MDN1: variants seen among roughly 807,000 people sequenced by gnomAD.
MDN1 encodes midasin AAA ATPase 1, also known as midasin.
MDN1 carries 266 observed loss-of-function variants against 669.2 expected under a neutral mutation model. That is an observed-to-expected ratio of 0.40 (90% CI 0.36 to 0.44). MDN1 has a LOEUF of 0.44. Among genes scored for constraint, MDN1 ranks in the 20% least tolerant of loss-of-function variants. The probability of loss-of-function intolerance (pLI) is 1.00; values close to 1 mark genes in which losing one functional copy is unlikely to be tolerated. For synonymous variants in MDN1, 2,385 were observed against 2,457.1 expected (o/e 0.97, Z 0.87); for missense variants, 5,940 against 6,754.0 (o/e 0.88, Z 4.22).
Position 89,712,212 on chromosome 6 carries a change from GA to G in MDN1, c.7474del (p.Ser2492ProfsTer7). On this transcript the variant is annotated frameshift_variant, in exon 49 of 102. Coordinates refer to ENST00000369393, the MANE Select transcript of MDN1 (RefSeq NM_014611.3). LOFTEE classifies it high-confidence loss of function. ...GAATTTCAGGTTCTCAGGGCTGGGGGACTGCATAATTTTCTCTAAGTCTTGC... is the reference window on the plus strand; with the variant it reads ...GAATTTCAGGTTCTCAGGGCTGGGGGCTGCATAATTTTCTCTAAGTCTTGC... ...TLQDLEKIMQ[S>X]PSPENLKFNA... 1 of 1,614,090 alleles carries G rather than the reference GA, an allele frequency of 6.2e-7. No individual in the cohort carries two copies. Among genetic ancestry groups the G allele is most frequent in the Non-Finnish European group, 8.5e-7 (1 of 1,180,000 alleles).
chr6:89,698,776 C>G, intron 59 of MDN1, 89 bp downstream of exon 59: 3 of 1,364,538 alleles, frequency 2.2e-6, no homozygotes, highest in South Asian at 1.2e-5. Context: ...AGTCACCACT[C>G]TATGCTAGGA....
intron 35 of MDN1, among the ~76,000 whole-genome samples, chr6:89,729,756 G>A (rs1013957130): frequency 1.9e-4 from 26 of 139,976 alleles, no homozygotes; most frequent in African/African-American, 6.6e-4. Context: ...ACCCTTGGTA[G>A]CAGAAGCAAG....
intron 31 of MDN1, among the ~76,000 whole-genome samples, chr6:89,741,878 A>G (rs927287813): frequency 1.3e-5 from 2 of 152,110 alleles, no homozygotes; most frequent in Non-Finnish European, 2.9e-5. Context: ...AGGCAGGAGG[A>G]TCACTTGAGG....
intron 97 of MDN1, among the ~76,000 whole-genome samples, chr6:89,649,769 G>A (rs1401712560): frequency 2.0e-5 from 3 of 152,060 alleles, no homozygotes; most frequent in African/African-American, 7.2e-5. Context: ...ACAAAACAAT[G>A]TAAAAGACCT....
At chr6:89,725,072 G>GA in intron 38 of MDN1, 127 bp downstream of exon 38, 1 of 835,762 alleles carries the variant, frequency 1.2e-6, no homozygotes, top group Admixed American at 2.4e-5. Context: ...ATCATATAAG[G>GA]ACAAGAAAGA....
At chr6:89,701,155 C>T (rs980993875) in intron 55 of MDN1, among the ~76,000 whole-genome samples, 2 of 152,186 alleles carry the variant, frequency 1.3e-5, no homozygotes, top group Non-Finnish European at 2.9e-5. Flanking sequence ...TTCAACCAAC[C>T]GTGGGTCGAA....
At position 89,655,919 on chromosome 6, in the gene MDN1, T is replaced by A. The variant is rs750980483; in HGVS notation, c.15335A>T (p.Asp5112Val). 11 of 1,614,016 alleles carry A rather than the reference T, an allele frequency of 6.8e-6. No individual in the cohort carries two copies. The highest frequency in any genetic ancestry group is 9.3e-6 in the Non-Finnish European group (11 of 1,180,032). ...CCTCTTGTGCACACGCTCATTGTGA[T>A]CACCCATGGAACGTTCATTGTCAGC... ...GQADNERSMG[D>V]HNERVHKRLR... is the part of the protein sequence containing the mutation. The change falls in exon 92 of 102, where the codon GAT becomes GTT. Residue 5112 changes from aspartate to valine, a missense_variant. Transcript: ENST00000369393.
rs199601899 is a variant in MDN1 at position 89,713,294 on chromosome 6, A to G, written c.7072T>C (p.Ser2358Pro). ...AGAGTTGATACAGAAGATGTTGGAG[A>G]ACCTATTAAAAAAAAATTGCCATCT... ...HTETRSTVVG[S>P]PTSSVSTLIQ... Residue 2358 changes from serine (S) to proline (P), a missense_variant and splice_region_variant, in exon 47 of 102, where the codon TCT (serine) becomes CCT (proline). By Grantham distance (74) the Ser-to-Pro change is moderately conservative. Coordinates refer to ENST00000369393, the MANE Select transcript of MDN1 (RefSeq NM_014611.3). 2 of 1,604,824 alleles carry G rather than the reference A, an allele frequency of 1.2e-6. No homozygotes were observed. Among genetic ancestry groups the G allele is most frequent in the Admixed American group, 3.5e-5 (2 of 56,952 alleles).
At position 89,687,377 on chromosome 6, in the gene MDN1, T is replaced by C. The variant is rs1160819095; in HGVS notation, c.11417A>G (p.Gln3806Arg). 1 of 1,614,032 alleles carries C rather than the reference T, an allele frequency of 6.2e-7. No homozygotes were observed. The highest frequency in any genetic ancestry group is 2.2e-5 in the East Asian group (1 of 44,888). ...CAGTTTACGCCACCGAATGATCATCTGACTGATCAAATCAAGATGTTTCCG... is the reference window on the plus strand; with the variant it reads ...CAGTTTACGCCACCGAATGATCATCCGACTGATCAAATCAAGATGTTTCCG... ...SLRKHLDLIS[Q>R]MIIRWRKLEL... The change falls in exon 68 of 102, where the codon CAG (glutamine) becomes CGG (arginine). Residue 3806 changes from glutamine (Q) to arginine (R), a missense_variant. Gln to Arg is a conservative substitution (Grantham distance 43, BLOSUM62 1). Around this residue, in one of 5 missense-constraint regions of MDN1, gnomAD observed 2,280 missense variants for 2,576.3 expected, o/e 0.88. Transcript: ENST00000369393.
chr6:89,790,611 G>A (rs1477143498), intron 5 of MDN1, among the ~76,000 whole-genome samples: 1 of 152,170 alleles, frequency 6.6e-6, no homozygotes, highest in Admixed American at 6.5e-5. Context: ...AAGTGCTGAG[G>A]TGGCAGTATC....
intron 33 of MDN1, among the ~76,000 whole-genome samples, chr6:89,733,792 A>C (rs1815756445): frequency 6.6e-6 from 1 of 152,142 alleles, no homozygotes. Flanking sequence ...AGGTAAATTA[A>C]AAAAATGAAA....
chr6:89,818,761 A>G (rs1353509137), intron 1 of MDN1, among the ~76,000 whole-genome samples: 2 of 151,768 alleles, frequency 1.3e-5, no homozygotes, highest in Admixed American at 6.6e-5. Flanking sequence ...GTAAGCCGAG[A>G]TCGCGCCACT....
At chr6:89,725,171 T>C (rs1462087323) in intron 38 of MDN1, 28 bp downstream of exon 38, 2 of 1,606,176 alleles carry the variant, frequency 1.2e-6, no homozygotes, top group Non-Finnish European at 1.7e-6. Flanking sequence ...AGTCTATCTT[T>C]GGTCTCTATG....
intron 2 of MDN1, among the ~76,000 whole-genome samples, chr6:89,803,077 C>G (rs1229953909): frequency 6.6e-6 from 1 of 152,162 alleles, no homozygotes; most frequent in Non-Finnish European, 1.5e-5. Context: ...CTTGAGAGCA[C>G]TGGGGACATA....
intron 69 of MDN1, among the ~76,000 whole-genome samples, chr6:89,686,385 A>T (rs1309886804): frequency 6.6e-6 from 1 of 152,132 alleles, no homozygotes; most frequent in Non-Finnish European, 1.5e-5. Flanking sequence ...AGATCGTACC[A>T]CTGTACTCCA....
chr6:89,670,168 ATAT>A (rs1482980871), intron 83 of MDN1, among the ~76,000 whole-genome samples: 22 of 21,640 alleles, frequency 1.0e-3, no homozygotes, highest in African/African-American at 6.1e-3. Context: ...ATATATATAT[ATAT>A]TTTTTTTTTT....
In MDN1 at chr6:89,718,986, C is replaced by T. The variant is rs377455110; in HGVS notation, c.6102G>A (p.Pro2034=). The T allele has an allele frequency of 2.0e-5, 32 of 1,613,954 alleles. No individual in the cohort carries two copies. The highest frequency in any genetic ancestry group is 1.6e-4 in the Middle Eastern group (1 of 6,084). The change falls in exon 42 of 102, where the codon CCG becomes CCA. Residue 2034 remains proline (P), a synonymous_variant. Transcript: ENST00000369393. ...GCAGGAGCAACAGGGGATGGCGGGA[C>T]GGGTGAGGAACACAGCTCCCACGGG... ...VLSRGSCVPH[P]SRHPLLLLHQ...
At chr6:89,709,811 T>C (rs568268720) in intron 50 of MDN1, among the ~76,000 whole-genome samples, 1 of 152,346 alleles carries the variant, frequency 6.6e-6, no homozygotes, top group African/African-American at 2.4e-5. Flanking sequence ...TCTCACTCCT[T>C]ATTTAAAAAA....
chr6:89,765,385 A>G lies in MDN1; in HGVS notation c.2145-2855T>C, dbSNP rs550888259. 6.6e-5 allele frequency among the ~76,000 whole-genome samples: 10 copies of G among 152,364 alleles called. No individual in the cohort carries two copies. The South Asian group carries it at 1.0e-3, about 16-fold the overall frequency. On this transcript the variant is annotated intron_variant, in intron 15 of 101. Coordinates refer to ENST00000369393, the MANE Select transcript of MDN1 (RefSeq NM_014611.3). Reference sequence around the variant, plus strand: ...AGATAAGAGACCAACGCAGTGGACTAGACAGTAGATAAACTAGAACGACAA... The same window carrying G: ...AGATAAGAGACCAACGCAGTGGACTGGACAGTAGATAAACTAGAACGACAA...
Sources: gnomAD v4.1 joint callset for allele counts (sites outside exome capture counted in the v4.1 genomes callset) on GRCh38, gnomAD v4.1.1 for gene constraint, gnomAD v4.1.1 regional missense constraint, MANE v1.5 for transcripts, NCBI Gene and HGNC (gene_info 2026-07-23, HGNC 2026-07-21) for gene names.